Variants in SDC2 observed in about 807,000 individuals in gnomAD.
The protein encoded by SDC2 is syndecan-2.
A neutral mutation model predicts 22.2 loss-of-function variants in SDC2; 13 were observed. The ratio of observed to expected loss-of-function variants is 0.59; its 90% CI spans 0.38 to 0.93. The LOEUF (loss-of-function observed/expected upper bound fraction) is 0.93. Among genes scored for constraint, SDC2 ranks in the 40% least tolerant of loss-of-function variants. The probability of loss-of-function intolerance (pLI) is 0.00; values close to 1 mark genes in which losing one functional copy is unlikely to be tolerated. For missense variants in SDC2, 235 were observed against 246.8 expected, an observed-to-expected ratio of 0.95 and a Z score of 0.32; for synonymous variants, 94 against 92.8, an observed-to-expected ratio of 1.01 and a Z score of -0.07.
At chr8:96,513,697 C>G (rs1288848515) in intron 1 of SDC2, among the ~76,000 whole-genome samples, 2 of 152,156 alleles carry the variant, frequency 1.3e-5, no homozygotes, top group Admixed American at 6.5e-5. Context: ...TTGCACCTGA[C>G]CCTTTGTCTT....
intron 1 of SDC2, among the ~76,000 whole-genome samples, chr8:96,569,821 G>C (rs186274415): frequency 4.7e-4 from 71 of 152,266 alleles, no homozygotes; most frequent in African/African-American, 1.5e-3. Flanking sequence ...GGCTCCTCCT[G>C]TACTGCTGGG....
At chr8:96,515,481 C>G (rs1039151661) in intron 1 of SDC2, among the ~76,000 whole-genome samples, 1 of 152,072 alleles carries the variant, frequency 6.6e-6, no homozygotes, top group Non-Finnish European at 1.5e-5. Flanking sequence ...GGAGGTTGCT[C>G]TTGATATGGG....
chr8:96,595,232 T>G (rs1057036380), intron 2 of SDC2, among the ~76,000 whole-genome samples: 20 of 152,204 alleles, frequency 1.3e-4, no homozygotes, highest in Non-Finnish European at 2.9e-5. Flanking sequence ...GAGCTGGGCT[T>G]CAGAATGACC....
At chr8:96,552,121 T>C (rs1333162669) in intron 1 of SDC2, among the ~76,000 whole-genome samples, 2 of 152,230 alleles carry the variant, frequency 1.3e-5, no homozygotes, top group Non-Finnish European at 2.9e-5. Flanking sequence ...TGTTGCTCTT[T>C]TCTCACGAGG....
At chr8:96,562,887 ACT>A (rs1172538218) in intron 1 of SDC2, among the ~76,000 whole-genome samples, 8 of 148,666 alleles carry the variant, frequency 5.4e-5, no homozygotes, top group Admixed American at 5.4e-4. Context: ...CAGGTTAGTG[ACT>A]CTGGTGGGGG....
Position 96,559,640 on chromosome 8 carries a change from A to G in SDC2, c.61-33840A>G, listed in dbSNP as rs544071193. ...TTACCAGTGACGATTTAGTGATTCAACCTTTGTAAATATCAAGTTTTGTTT... is the reference window on the plus strand; with the variant it reads ...TTACCAGTGACGATTTAGTGATTCAGCCTTTGTAAATATCAAGTTTTGTTT... On this transcript the variant is annotated intron_variant, in intron 1 of 4. Coordinates refer to ENST00000302190, the MANE Select transcript of SDC2 (RefSeq NM_002998.4). Among the ~76,000 whole-genome samples the G allele has an allele frequency of 1.1e-4, 17 of 152,274 alleles. No individual in the cohort carries two copies. In the South Asian group the frequency reaches 3.1e-3, roughly 28 times the overall value.
At chr8:96,583,283 T>TATATATGTAATATACAATATATATG (rs1814621431) in intron 1 of SDC2, among the ~76,000 whole-genome samples, 1 of 133,754 alleles carries the variant, frequency 7.5e-6, no homozygotes, top group Non-Finnish European at 1.6e-5. Flanking sequence ...ATATATAATA[T>TATATATGTAATATACAATATATATG]ATATATGTAA....
At chr8:96,540,267 G>A (rs982091500) in intron 1 of SDC2, among the ~76,000 whole-genome samples, 2 of 150,354 alleles carry the variant, frequency 1.3e-5, no homozygotes, top group African/African-American at 4.9e-5. Context: ...CGAGGTGGGT[G>A]GATTGCTTGA....
At position 96,503,217 on chromosome 8, in the gene SDC2, A is replaced by G. The variant is rs1813191909; in HGVS notation, c.60+8886A>G. Among the ~76,000 whole-genome samples the G allele has an allele frequency of 2.0e-5, 3 of 152,260 alleles. No individual in the cohort carries two copies. In the South Asian group the frequency reaches 6.2e-4, roughly 31 times the overall value. ...TACCTCCACAAATCTGTCCAAAGGA[A>G]ATCATTACCAGGTAAATAGTATTTA... is the stretch of plus-strand genomic sequence containing the variant. On this transcript the variant is annotated intron_variant, in intron 1 of 4. Coordinates refer to ENST00000302190, the MANE Select transcript of SDC2 (RefSeq NM_002998.4).
chr8:96,603,824 A>C lies in SDC2; in HGVS notation c.306+1296A>C, dbSNP rs1214209092. On this transcript the variant is annotated intron_variant, in intron 3 of 4. Coordinates refer to ENST00000302190, the MANE Select transcript of SDC2 (RefSeq NM_002998.4). ...AAGGGTCAATTACTATTAGTGGTAG[A>C]CTTCACAAGCCAGGCGGTAGGAAGG... Among the ~76,000 whole-genome samples, 3 of 152,206 alleles carry C rather than the reference A, an allele frequency of 2.0e-5. No individual in the cohort carries two copies. The East Asian group carries it at 5.8e-4, about 29-fold the overall frequency.
chr8:96,565,229 C>T (rs189658281), intron 1 of SDC2, among the ~76,000 whole-genome samples: 38 of 150,802 alleles, frequency 2.5e-4, no homozygotes, highest in South Asian at 2.3e-3. Context: ...GGACTACAGG[C>T]GTGCGCCACC....
At chr8:96,598,432 A>T (rs1814918342) in intron 2 of SDC2, among the ~76,000 whole-genome samples, 2 of 152,092 alleles carry the variant, frequency 1.3e-5, no homozygotes, top group South Asian at 4.1e-4. Flanking sequence ...GAACAGCCTG[A>T]CATGGCGAAA....
At chr8:96,544,228 TA>T (rs1813896881) in intron 1 of SDC2, among the ~76,000 whole-genome samples, 2 of 152,336 alleles carry the variant, frequency 1.3e-5, no homozygotes, top group South Asian at 2.1e-4. Flanking sequence ...GATGTGTACT[TA>T]CCTATCTGCA....
At chr8:96,595,743 A>G (rs993536214) in intron 2 of SDC2, among the ~76,000 whole-genome samples, 2 of 152,240 alleles carry the variant, frequency 1.3e-5, no homozygotes, top group African/African-American at 2.4e-5. Flanking sequence ...ACTTAAGGAC[A>G]GTCTTAGCAA....
intron 1 of SDC2, among the ~76,000 whole-genome samples, chr8:96,565,940 C>T (rs16894746): frequency 0.081 from 12,338 of 152,054 alleles, 739 homozygotes; most frequent in East Asian, 0.15. Flanking sequence ...AATATGCCAC[C>T]GAGAAGACCT....
At chr8:96,548,107 TTTC>T (rs1172371607) in intron 1 of SDC2, among the ~76,000 whole-genome samples, 40 of 152,234 alleles carry the variant, frequency 2.6e-4, no homozygotes, top group South Asian at 6.2e-4. Context: ...TTTGTAGATG[TTTC>T]TTACTTCCAA....
At chr8:96,567,247 C>T (rs1391605669) in intron 1 of SDC2, among the ~76,000 whole-genome samples, 1 of 152,220 alleles carries the variant, frequency 6.6e-6, no homozygotes, top group African/African-American at 2.4e-5. Context: ...TAAAGCCTGA[C>T]TTGAAGAATT....
chr8:96,586,718 C>G (rs961682959), intron 1 of SDC2, among the ~76,000 whole-genome samples: 1 of 152,214 alleles, frequency 6.6e-6, no homozygotes, highest in Non-Finnish European at 1.5e-5. Context: ...ACTTTCCACC[C>G]AAATGTGATT....
At chr8:96,520,991 G>T (rs1284220368) in intron 1 of SDC2, among the ~76,000 whole-genome samples, 2 of 152,178 alleles carry the variant, frequency 1.3e-5, no homozygotes, top group African/African-American at 4.8e-5. Flanking sequence ...TTTTGGAACT[G>T]CAAGTGCCTT....
Sources: allele counts gnomAD v4.1 joint callset (sites outside exome capture counted in the v4.1 genomes callset), GRCh38; gene constraint gnomAD v4.1.1; transcripts MANE v1.5; gene names NCBI Gene and HGNC (gene_info 2026-07-23, HGNC 2026-07-21).